Variants in NCAM2 observed in about 807,000 individuals in gnomAD.
The protein encoded by NCAM2 is N-CAM-2.
In NCAM2, 30 loss-of-function variants were observed where a neutral mutation model predicts 98.1. That is an observed-to-expected ratio of 0.31 (90% CI 0.23 to 0.41). NCAM2 has a LOEUF of 0.41. Ranked by LOEUF, NCAM2 falls within the 10% of genes least tolerant of loss-of-function variation. The pLI is 1.00. For missense variants in NCAM2, 867 were observed against 1,005.8 expected (o/e 0.86, Z 1.87); for synonymous variants, 368 against 342.4 (o/e 1.07, Z -0.83).
intron 7 of NCAM2, among the ~76,000 whole-genome samples, chr21:21,338,026 C>A (rs1473682283): frequency 3.9e-5 from 6 of 151,922 alleles, no homozygotes; most frequent in Non-Finnish European, 4.4e-5. Context: ...CACATATGCA[C>A]CCATATGCAT....
In NCAM2 at chr21:21,540,830, T is replaced by C. The variant is rs1990203160; in HGVS notation, c.*2873T>C. ...GTGACAATCTGTATTCAACAACATA[T>C]AAGAGGAAAGAGTAATATCAGAATT... On this transcript the variant is annotated 3_prime_UTR_variant, in exon 18 of 18. Transcript: ENST00000400546. The C allele has an allele frequency of 6.6e-6, 1 of 151,926 alleles. No homozygotes were observed. The highest frequency in any genetic ancestry group is 6.6e-5 in the Admixed American group (1 of 15,220). 9.4% of individuals were successfully genotyped at this position (151,926 alleles called of 1,614,324 possible). A position where few individuals can be genotyped will look rare whatever the true frequency, so the allele number is the denominator to read the frequency against.
intron 1 of NCAM2, among the ~76,000 whole-genome samples, chr21:21,147,850 A>T (rs1483320965): frequency 1.3e-5 from 2 of 150,870 alleles, no homozygotes; most frequent in African/African-American, 2.4e-5. Flanking sequence ...TTTATATAGG[A>T]TATTTAAATT....
Position 20,998,488 on chromosome 21 carries a change from C to A in NCAM2, c.-76C>A, listed in dbSNP as rs2063958531. 2.7e-6 allele frequency: 4 copies of A among 1,475,948 alleles called. No individual in the cohort carries two copies. In the Admixed American group the frequency reaches 7.5e-5, roughly 28 times the overall value. 91.4% of individuals were successfully genotyped at this position (1,475,948 alleles called of 1,614,324 possible). Reference sequence around the variant, plus strand: ...CGGCGGCGGCTCTAGCAGAGGCGGCCGGGGCAGCGAAAGGTTCTCTCTCCA... The same window carrying A: ...CGGCGGCGGCTCTAGCAGAGGCGGCAGGGGCAGCGAAAGGTTCTCTCTCCA... On this transcript the variant is annotated 5_prime_UTR_variant, in exon 1 of 18. Transcript: ENST00000400546.
intron 8 of NCAM2, among the ~76,000 whole-genome samples, chr21:21,358,116 A>G (rs190678928): frequency 2.0e-5 from 3 of 152,244 alleles, no homozygotes; most frequent in African/African-American, 2.4e-5. Context: ...AAGATCATCA[A>G]TGTCTAAGAG....
intron 8 of NCAM2, among the ~76,000 whole-genome samples, chr21:21,354,371 C>A (rs753211569): frequency 1.3e-5 from 2 of 152,042 alleles, no homozygotes; most frequent in Non-Finnish European, 2.9e-5. Context: ...TCATGTGCTG[C>A]CTGAACTGTT....
intron 1 of NCAM2, among the ~76,000 whole-genome samples, chr21:21,105,954 T>C (rs895944769): frequency 6.6e-6 from 1 of 152,170 alleles, no homozygotes; most frequent in African/African-American, 2.4e-5. Flanking sequence ...ATATATAAAA[T>C]ACATGTTCCA....
intron 1 of NCAM2, among the ~76,000 whole-genome samples, chr21:21,196,022 T>C (rs1682044249): frequency 6.6e-6 from 1 of 152,234 alleles, no homozygotes; most frequent in African/African-American, 2.4e-5. Context: ...TTTTACATTC[T>C]CAGTCAACTT....
At chr21:20,999,254 A>G (rs553945496) in intron 1 of NCAM2, among the ~76,000 whole-genome samples, 1 of 152,238 alleles carries the variant, frequency 6.6e-6, no homozygotes, top group Non-Finnish European at 1.5e-5. Context: ...ACCCCTTATT[A>G]ATACAGAAAG....
chr21:21,480,240 G>C (rs975227102), intron 15 of NCAM2, among the ~76,000 whole-genome samples: 2 of 151,786 alleles, frequency 1.3e-5, no homozygotes, highest in African/African-American at 2.4e-5. Flanking sequence ...ACTGGCGGGC[G>C]CCTGTTGTCC....
intron 1 of NCAM2, among the ~76,000 whole-genome samples, chr21:21,032,923 A>G (rs2064716109): frequency 7.9e-6 from 1 of 126,704 alleles, no homozygotes; most frequent in Non-Finnish European, 1.7e-5. Context: ...TGCTAACAGC[A>G]CATGGTTTCT....
At chr21:21,228,468 AATAG>A (rs1168122855) in intron 1 of NCAM2, among the ~76,000 whole-genome samples, 10 of 151,504 alleles carry the variant, frequency 6.6e-5, no homozygotes, top group African/African-American at 2.4e-4. Context: ...TCTGTTAGAG[AATAG>A]ATAAACTACA....
At chr21:21,534,249 A>G (rs558665549) in intron 16 of NCAM2, among the ~76,000 whole-genome samples, 1 of 152,072 alleles carries the variant, frequency 6.6e-6, no homozygotes, top group Admixed American at 6.6e-5. Flanking sequence ...TTCAAAATAG[A>G]ATATATACAG....
chr21:21,524,105 G>A (rs1170302563), intron 16 of NCAM2, among the ~76,000 whole-genome samples: 2 of 151,378 alleles, frequency 1.3e-5, no homozygotes, highest in East Asian at 1.9e-4. Context: ...GATAGAAAAA[G>A]ACATACTATG....
intron 1 of NCAM2, among the ~76,000 whole-genome samples, chr21:21,176,733 A>C (rs2068302422): frequency 6.6e-6 from 1 of 152,046 alleles, no homozygotes; most frequent in Admixed American, 6.6e-5. Flanking sequence ...AAATAAAAAT[A>C]TTATATATTT....
intron 5 of NCAM2, among the ~76,000 whole-genome samples, chr21:21,309,848 C>T (rs2073991581): frequency 6.6e-6 from 1 of 151,884 alleles, no homozygotes; most frequent in African/African-American, 2.4e-5. Flanking sequence ...TCATTTCCCC[C>T]CATATTTTAG....
At chr21:21,064,196 G>A (rs1031350618) in intron 1 of NCAM2, among the ~76,000 whole-genome samples, 4 of 152,148 alleles carry the variant, frequency 2.6e-5, no homozygotes, top group African/African-American at 9.7e-5. Flanking sequence ...GTGGGGGCAA[G>A]GTTCATGCCA....
chr21:21,458,671 T>C (rs144712445), intron 12 of NCAM2, among the ~76,000 whole-genome samples: 3 of 152,304 alleles, frequency 2.0e-5, no homozygotes, highest in African/African-American at 4.8e-5. Flanking sequence ...CCTCCAGAAC[T>C]GCGACAAATA....
intron 1 of NCAM2, among the ~76,000 whole-genome samples, chr21:21,114,412 G>T (rs755818464): frequency 6.6e-6 from 1 of 152,100 alleles, no homozygotes; most frequent in Non-Finnish European, 1.5e-5. Flanking sequence ...ATTGCAGTTG[G>T]TCTTGCATGA....
At chr21:21,384,313 T>A (rs2076217889) in intron 9 of NCAM2, among the ~76,000 whole-genome samples, 1 of 151,872 alleles carries the variant, frequency 6.6e-6, no homozygotes, top group African/African-American at 2.4e-5. Context: ...GTTTTTTTTC[T>A]TATGGATCTA....
Sources: allele counts gnomAD v4.1 joint callset (sites outside exome capture counted in the v4.1 genomes callset), GRCh38; gene constraint gnomAD v4.1.1; transcripts MANE v1.5; gene names NCBI Gene and HGNC (gene_info 2026-07-23, HGNC 2026-07-21).